AKAP13: variants seen among roughly 807,000 people sequenced by gnomAD.
AKAP13 encodes the protein A-kinase anchor protein 13.
In AKAP13, 80 loss-of-function variants were observed where a neutral mutation model predicts 264.5. The ratio of observed to expected loss-of-function variants is 0.30; its 90% CI spans 0.25 to 0.36. The LOEUF is 0.36. Among genes scored for constraint, AKAP13 ranks in the 10% least tolerant of loss-of-function variants. AKAP13 has a pLI of 1.00. For synonymous variants in AKAP13, 1,380 were observed against 1,250.2 expected, an observed-to-expected ratio of 1.10 and a Z score of -2.19; for missense variants, 3,712 against 3,435.2, an observed-to-expected ratio of 1.08 and a Z score of -2.01.
At chr15:85,458,852 A>G (rs990771592) in intron 1 of AKAP13, among the ~76,000 whole-genome samples, 1 of 152,198 alleles carries the variant, frequency 6.6e-6, no homozygotes, top group African/African-American at 2.4e-5. Context: ...TGTTGCTGGA[A>G]TAGTCTCCTC....
At chr15:85,674,333 T>C (rs1368736893) in intron 14 of AKAP13, among the ~76,000 whole-genome samples, 2 of 152,168 alleles carry the variant, frequency 1.3e-5, no homozygotes, top group African/African-American at 4.8e-5. Context: ...TTATATAAAA[T>C]TACCTTAGAG....
intron 2 of AKAP13, among the ~76,000 whole-genome samples, chr15:85,491,203 C>T (rs2075711359): frequency 6.6e-6 from 1 of 152,044 alleles, no homozygotes; most frequent in Admixed American, 6.6e-5. Flanking sequence ...CCTGGGCCTA[C>T]CTTCCCTCAC....
intron 1 of AKAP13, among the ~76,000 whole-genome samples, chr15:85,409,874 G>C (rs11074219): frequency 6.6e-6 from 1 of 150,776 alleles, no homozygotes; most frequent in Non-Finnish European, 1.5e-5. Flanking sequence ...CTCATGATCC[G>C]TCCGCCTCGG....
At chr15:85,629,763 C>CAGTTTT (rs1567164100) in intron 8 of AKAP13, among the ~76,000 whole-genome samples, 1 of 76,150 alleles carries the variant, frequency 1.3e-5, no homozygotes, top group African/African-American at 4.1e-5. Context: ...TCCTTTACAG[C>CAGTTTT]CTTTTTTTTT....
intron 8 of AKAP13, among the ~76,000 whole-genome samples, chr15:85,587,157 C>T (rs969366808): frequency 2.0e-5 from 3 of 152,142 alleles, no homozygotes; most frequent in Non-Finnish European, 4.4e-5. Context: ...TAGCAGTGTG[C>T]CTTTCCTTCA....
intron 8 of AKAP13, among the ~76,000 whole-genome samples, chr15:85,594,642 C>T (rs1224691281): frequency 1.3e-5 from 2 of 152,120 alleles, no homozygotes; most frequent in Non-Finnish European, 2.9e-5. Context: ...GTGTTGCTTA[C>T]TGATATAAAT....
At chr15:85,716,533 C>T (rs2086958617) in intron 20 of AKAP13, among the ~76,000 whole-genome samples, 1 of 152,148 alleles carries the variant, frequency 6.6e-6, no homozygotes, top group African/African-American at 2.4e-5. Flanking sequence ...GCCTGCCTTC[C>T]CGTCGGGTGA....
At chr15:85,537,316 G>T (rs2077434606) in intron 4 of AKAP13, among the ~76,000 whole-genome samples, 1 of 152,234 alleles carries the variant, frequency 6.6e-6, no homozygotes, top group Non-Finnish European at 1.5e-5. Flanking sequence ...TAACCATGAT[G>T]CCTGAGGTAA....
chr15:85,503,020 A>G (rs762112930), intron 2 of AKAP13, among the ~76,000 whole-genome samples: 1 of 152,130 alleles, frequency 6.6e-6, no homozygotes, highest in African/African-American at 2.4e-5. Flanking sequence ...GGATGTTTCT[A>G]TTTACTTGGG....
chr15:85,468,841 C>T (rs1438598464), intron 1 of AKAP13, among the ~76,000 whole-genome samples: 1 of 151,748 alleles, frequency 6.6e-6, no homozygotes, highest in African/African-American at 2.4e-5. Context: ...AGTTTACATA[C>T]AGGTCTCTCC....
chr15:85,619,672 T>C (rs947017159), intron 8 of AKAP13: 15 of 989,708 alleles, frequency 1.5e-5, no homozygotes, highest in Middle Eastern at 5.2e-4. Flanking sequence ...TTTATTGCCT[T>C]CTTGGGTTTT....
chr15:85,538,520 C>T (rs1288712954), intron 4 of AKAP13, among the ~76,000 whole-genome samples: 12 of 146,378 alleles, frequency 8.2e-5, no homozygotes, highest in South Asian at 2.1e-4. Context: ...GACGGAGTCT[C>T]GCTCTGTCGC....
chr15:85,585,983 G>C (rs2079323318), intron 8 of AKAP13, among the ~76,000 whole-genome samples, 160 bp downstream of exon 8: 1 of 152,146 alleles, frequency 6.6e-6, no homozygotes, highest in Non-Finnish European at 1.5e-5. Flanking sequence ...TGTTGCTGCA[G>C]CTAAGCTTTC....
In AKAP13 at chr15:85,724,522, G is replaced by C. The variant is rs1333116835; in HGVS notation, c.6745+1202G>C. ...GTGGACACCCGGGACTCTCACGTGA[G>C]AGAGCAGAGTGAATGACAGGGGAGT... On this transcript the variant is annotated intron_variant, in intron 26 of 36. Coordinates refer to ENST00000394518, the MANE Select transcript of AKAP13 (RefSeq NM_007200.5). This position sits in a 1 kb window ranked among gnomAD's most constrained non-coding sequence, Gnocchi z 4.2. 2.9e-5 allele frequency among the ~76,000 whole-genome samples: 3 copies of C among 104,260 alleles called. No individual in the cohort carries two copies. The highest frequency in any genetic ancestry group is 9.9e-5 in the Admixed American group (1 of 10,136). The allele number at this position is 104,260 out of a possible 152,430, so 68.4% of individuals were successfully genotyped here.
At chr15:85,736,995 TG>T (rs2088580556) in intron 33 of AKAP13, among the ~76,000 whole-genome samples, 1 of 141,634 alleles carries the variant, frequency 7.1e-6, no homozygotes, top group South Asian at 2.4e-4. Flanking sequence ...CTCAGCTCAC[TG>T]CAACCTCCAT....
At chr15:85,504,555 G>A (rs181105974) in intron 2 of AKAP13, among the ~76,000 whole-genome samples, 10 of 137,084 alleles carry the variant, frequency 7.3e-5, no homozygotes, top group African/African-American at 2.9e-4. Context: ...AGCCAGGCAT[G>A]GTGGCGTGCA....
chr15:85,626,086 C>A (rs77804885), intron 8 of AKAP13, among the ~76,000 whole-genome samples: 1 of 152,340 alleles, frequency 6.6e-6, no homozygotes, highest in Non-Finnish European at 1.5e-5. Context: ...TTTCCACACA[C>A]AGTACATATG....
At chr15:85,551,812 TAGTC>T (rs1425035494) in intron 5 of AKAP13, among the ~76,000 whole-genome samples, 1 of 152,208 alleles carries the variant, frequency 6.6e-6, no homozygotes. Context: ...TAGGGCTTGA[TAGTC>T]AGGTGTGAGA....
intron 1 of AKAP13, among the ~76,000 whole-genome samples, chr15:85,454,832 G>A (rs1350624211): frequency 6.6e-6 from 1 of 152,182 alleles, no homozygotes; most frequent in East Asian, 1.9e-4. Flanking sequence ...TTTCGTAACT[G>A]TTTTGAGTTA....
Sources: allele counts gnomAD v4.1 joint callset (sites outside exome capture counted in the v4.1 genomes callset), GRCh38; gene constraint gnomAD v4.1.1; non-coding constraint Gnocchi (gnomAD v3.1); transcripts MANE v1.5; gene names NCBI Gene and HGNC (gene_info 2026-07-23, HGNC 2026-07-21).